The following MAP4K2 variants were observed in gnomAD, a reference collection of about 807,000 sequenced individuals.
The protein encoded by MAP4K2 is B lymphocyte serine/threonine protein kinase.
MAP4K2 carries 85 observed loss-of-function variants against 125.3 expected under a neutral mutation model. The ratio of observed to expected loss-of-function variants is 0.68; its 90% CI spans 0.57 to 0.81. The LOEUF (loss-of-function observed/expected upper bound fraction) is 0.81, where lower values mean the gene tolerates loss of function less well. Among genes scored for constraint, MAP4K2 ranks in the 40% least tolerant of loss-of-function variants. The pLI is 0.00. For missense variants in MAP4K2, 923 were observed against 1,056.4 expected (o/e 0.87, Z 1.75); for synonymous variants, 479 against 445.1 (o/e 1.08, Z -0.96).
Position 64,796,724 on chromosome 11 carries a change from G to A in MAP4K2, c.1493-11C>T, listed in dbSNP as rs755234280. On this transcript the variant is annotated splice_polypyrimidine_tract_variant and intron_variant, in intron 21 of 31. Coordinates refer to ENST00000294066, the MANE Select transcript of MAP4K2 (RefSeq NM_004579.5). ...CCACCAGGAACTGGTCTGCCAGTTT[G>A]GGCATGGGGTCAGAGGTCAGACATG... 2.4e-5 allele frequency: 38 copies of A among 1,614,012 alleles called. No homozygotes were observed. The highest frequency in any genetic ancestry group is 3.1e-5 in the Non-Finnish European group (37 of 1,180,018).
chr11:64,786,826 C>T lies in MAP4K2; in HGVS notation c.*2711G>A, dbSNP rs1940210826. 6.6e-6 allele frequency: 1 copy of T among 151,938 alleles called. No individual in the cohort carries two copies. The highest frequency in any genetic ancestry group is 2.4e-5 in the African/African-American group (1 of 41,352). 9.4% of individuals were successfully genotyped at this position (151,938 alleles called of 1,614,324 possible). A position where few individuals can be genotyped will look rare whatever the true frequency, so the allele number is the denominator to read the frequency against. ...AAAGTAGTAAAAACAACTCAAATTTCCACCAATAGGGATCTCACTGCAGGT... is the reference window on the plus strand; with the variant it reads ...AAAGTAGTAAAAACAACTCAAATTTTCACCAATAGGGATCTCACTGCAGGT... On this transcript the variant is annotated 3_prime_UTR_variant, in exon 32 of 32. Coordinates refer to ENST00000294066, the MANE Select transcript of MAP4K2 (RefSeq NM_004579.5).
rs1209724355 is a variant in MAP4K2, at chr11:64,797,374, C to A, written c.1177G>T (p.Asp393Tyr). Residue 393 changes from aspartate (D) to tyrosine (Y), a missense_variant, in exon 18 of 32, where the codon GAC becomes TAC. This residue lies in a region of MAP4K2 where 833 missense variants were observed against 911.4 expected (regional missense o/e 0.91). Transcript: ENST00000294066. ...IRSASEFQELDSPDDTMGTIK... is the reference protein window; with the variant it reads ...IRSASEFQELYSPDDTMGTIK... ...GTTCCCATGGTATCGTCTGGGGAGT[C>A]CAGCTCCTGGTAGGAGGGGCAGGGC... The A allele has an allele frequency of 1.9e-6, 3 of 1,583,788 alleles. No individual in the cohort carries two copies. The South Asian group carries it at 3.5e-5, about 18-fold the overall frequency.
Position 64,797,547 on chromosome 11 carries a change from G to GATGAGGC in MAP4K2, c.1137-20_1137-14dup, listed in dbSNP as rs756794036. ...AATAGTCAGACTCCTGTGGGAGGGA[G>GATGAGGC]ATGAGGCGTGAGGCATGAGGTGTGA... is the stretch of plus-strand genomic sequence containing the variant. On this transcript the variant is annotated splice_polypyrimidine_tract_variant and intron_variant, in intron 16 of 31. Transcript: ENST00000294066. 1 of 1,572,132 alleles carries GATGAGGC rather than the reference G, an allele frequency of 6.4e-7. No homozygotes were observed.
intron 24 of MAP4K2, among the ~76,000 whole-genome samples, chr11:64,793,964 C>T (rs1443360265): frequency 3.9e-5 from 6 of 152,156 alleles, no homozygotes; most frequent in East Asian, 3.9e-4. Flanking sequence ...GGAGTGAGCA[C>T]GTTGCAGGAA....
intron 19 of MAP4K2, 31 bp downstream of exon 19, chr11:64,797,073 G>A (rs374478526): frequency 9.9e-6 from 16 of 1,613,952 alleles, no homozygotes; most frequent in African/African-American, 2.7e-5. Flanking sequence ...GTAGCCGCCC[G>A]TCTCCCCACC....
intron 27 of MAP4K2, 95 bp from the exon 28 acceptor site, chr11:64,790,557 T>C (rs1940418695): frequency 8.6e-7 from 1 of 1,165,670 alleles, no homozygotes; most frequent in Non-Finnish European, 1.3e-6. Context: ...CCCTTGGCCA[T>C]GAGGGCACGT....
chr11:64,796,644 G>A lies in MAP4K2; in HGVS notation c.1562C>T (p.Thr521Met), dbSNP rs138099576. ...TLNLHELHED[T>M]LEKLISHRCS... ...CCAGCCGGGCCTCACCTTCTCCAGC[G>A]TATCCTCATGCAGTTCATGCAGGTT... Residue 521 changes from threonine (T) to methionine (M), a missense_variant, in exon 22 of 32, where the codon ACG becomes ATG. Thr to Met is a moderately conservative substitution (Grantham distance 81). This residue lies in a region of MAP4K2 where 833 missense variants were observed against 911.4 expected (regional missense o/e 0.91). Transcript: ENST00000294066. The A allele has an allele frequency of 1.4e-5, 22 of 1,613,968 alleles. No homozygotes were observed. The highest frequency in any genetic ancestry group is 3.3e-5 in the South Asian group (3 of 91,096).
At chr11:64,800,076 C>A (rs1292088415) in intron 12 of MAP4K2, 33 bp downstream of exon 12, 1 of 1,530,396 alleles carries the variant, frequency 6.5e-7, no homozygotes. Flanking sequence ...AGCAGACCAG[C>A]CCAAGACTCA....
At position 64,803,063 on chromosome 11, in the gene MAP4K2, G is replaced by T. The variant is rs748263034; in HGVS notation, c.87C>A (p.Asp29Glu). Residue 29 changes from aspartate (D) to glutamate (E), a missense_variant, in exon 1 of 32, where the codon GAC (aspartate) becomes GAA (glutamate). Physicochemically the swap from Asp to Glu is conservative, Grantham distance 45. Coordinates refer to ENST00000294066, the MANE Select transcript of MAP4K2 (RefSeq NM_004579.5). ...LQRVGAGTYG[D>E]VYKARDTVTS... is the part of the protein sequence containing the mutation. ...GCCCGTCCCGTCGCACCTTGTAGAC[G>T]TCGCCATAGGTCCCGGCCCCCACGC... 7 of 1,603,970 alleles carry T rather than the reference G, an allele frequency of 4.4e-6. No individual in the cohort carries two copies. The highest frequency in any genetic ancestry group is 1.7e-5 in the Admixed American group (1 of 59,788).
intron 25 of MAP4K2, 33 bp downstream of exon 25, chr11:64,792,331 G>GCCCC: frequency 5.2e-6 from 8 of 1,535,438 alleles, no homozygotes; most frequent in South Asian, 1.2e-5. Flanking sequence ...CCCCCACCAG[G>GCCCC]CCCCGCCCCA....
chr11:64,790,588 G>GGGGCTGGGAAAACTCATCTCCCTCCA, intron 27 of MAP4K2, 126 bp from the exon 28 acceptor site: 1 of 831,154 alleles, frequency 1.2e-6, no homozygotes, highest in Non-Finnish European at 2.0e-6. Flanking sequence ...ACAGCCCTGT[G>GGGGCTGGGAAAACTCATCTCCCTCCA]GGGCTGGGAA....
intron 15 of MAP4K2, among the ~76,000 whole-genome samples, chr11:64,798,458 C>A (rs1030383767): frequency 3.9e-5 from 6 of 152,240 alleles, no homozygotes; most frequent in African/African-American, 1.4e-4. Flanking sequence ...GCCACCACAG[C>A]CAGCCTAATT....
chr11:64,796,280 T>G lies in MAP4K2; in HGVS notation c.1744A>C (p.Ile582Leu). The G allele has an allele frequency of 6.5e-7, 1 of 1,528,872 alleles. No individual in the cohort carries two copies. Among genetic ancestry groups the G allele is most frequent in the South Asian group, 1.3e-5 (1 of 76,518 alleles). 94.7% of individuals were successfully genotyped at this position (1,528,872 alleles called of 1,614,324 possible). A position where few individuals can be genotyped will look rare whatever the true frequency, so the allele number is the denominator to read the frequency against. Residue 582 changes from isoleucine to leucine, a missense_variant, in exon 24 of 32, where the codon ATC becomes CTC. Around this residue, in one of 2 missense-constraint regions of MAP4K2, gnomAD observed 833 missense variants for 911.4 expected, o/e 0.91. Coordinates refer to ENST00000294066, the MANE Select transcript of MAP4K2 (RefSeq NM_004579.5). ...IPTNRLTQRI[I>L]PRRFALSTKI... ...ACGCCCAAGATCCCTGACCTGGGGATGATGCGCTGGGTGAGGCGGTTGGTG... is the reference window on the plus strand; with the variant it reads ...ACGCCCAAGATCCCTGACCTGGGGAGGATGCGCTGGGTGAGGCGGTTGGTG...
chr11:64,789,860 G>T, intron 30 of MAP4K2, 29 bp downstream of exon 30: 1 of 1,614,026 alleles, frequency 6.2e-7, no homozygotes, highest in Non-Finnish European at 8.5e-7. Flanking sequence ...ACAAGGCAGG[G>T]GACAGCAAGG....
intron 24 of MAP4K2, among the ~76,000 whole-genome samples, chr11:64,793,625 T>C (rs998259443): frequency 6.6e-6 from 1 of 152,162 alleles, no homozygotes; most frequent in Non-Finnish European, 1.5e-5. Context: ...TGCCAGGACA[T>C]GGAGGAAGCC....
Position 64,800,203 on chromosome 11 carries a change from G to A in MAP4K2, c.821C>T (p.Thr274Ile), listed in dbSNP as rs766057122. ...AEKLLQHPFTTQQLPRALLTQ... is the reference protein window; with the variant it reads ...AEKLLQHPFTIQQLPRALLTQ... Reference sequence around the variant, plus strand: ...GAGGAGGGCCCGAGGGAGCTGCTGAGTCGTGAACGGGTGCTGGAAAGTGGG... The same window carrying A: ...GAGGAGGGCCCGAGGGAGCTGCTGAATCGTGAACGGGTGCTGGAAAGTGGG... The change falls in exon 12 of 32, where the codon ACT (threonine) becomes ATT (isoleucine). Residue 274 changes from threonine (T) to isoleucine (I), a missense_variant. By Grantham distance (89) the Thr-to-Ile change is moderately conservative. Around this residue, in one of 2 missense-constraint regions of MAP4K2, gnomAD observed 833 missense variants for 911.4 expected, o/e 0.91. Coordinates refer to ENST00000294066, the MANE Select transcript of MAP4K2 (RefSeq NM_004579.5). 1 of 1,613,352 alleles carries A rather than the reference G, an allele frequency of 6.2e-7. No homozygotes were observed. Among genetic ancestry groups the A allele is most frequent in the Non-Finnish European group, 8.5e-7 (1 of 1,179,910 alleles).
chr11:64,799,134 C>T (rs1056976308), intron 14 of MAP4K2, among the ~76,000 whole-genome samples: 2 of 152,150 alleles, frequency 1.3e-5, no homozygotes, highest in Non-Finnish European at 2.9e-5. Flanking sequence ...GGTGGGAAAA[C>T]GAGGCTGAGC....
rs577927685 is a variant in MAP4K2 at position 64,790,009 on chromosome 11, CAGCCACGCCTG to C, written c.2249-61_2249-51del. 6.4e-5 allele frequency: 103 copies of C among 1,602,648 alleles called. No homozygotes were observed. The African/African-American group carries it at 1.2e-3, about 19-fold the overall frequency. On this transcript the variant is annotated intron_variant, in intron 29 of 31. Coordinates refer to ENST00000294066, the MANE Select transcript of MAP4K2 (RefSeq NM_004579.5). ...CCCTGCACCCATCTTGGCACCCCCTCAGCCACGCCTGAGCCTGGGTCTGGGCCACAGGGGTC... is the reference window on the plus strand; with the variant it reads ...CCCTGCACCCATCTTGGCACCCCCTCAGCCTGGGTCTGGGCCACAGGGGTC...
chr11:64,801,969 A>T, intron 5 of MAP4K2, 97 bp downstream of exon 5: 2 of 1,339,496 alleles, frequency 1.5e-6, no homozygotes, highest in Non-Finnish European at 2.1e-6. Flanking sequence ...GGCCAGCCCC[A>T]CCCGAGGCAC....
Sources: gnomAD v4.1 joint callset for allele counts (sites outside exome capture counted in the v4.1 genomes callset) on GRCh38, gnomAD v4.1.1 for gene constraint, gnomAD v4.1.1 regional missense constraint, MANE v1.5 for transcripts, NCBI Gene and HGNC (gene_info 2026-07-23, HGNC 2026-07-21) for gene names.